GPHN: variants seen among roughly 807,000 people sequenced by gnomAD.
GPHN encodes gephyrin.
GPHN carries 17 observed loss-of-function variants against 95.5 expected under a neutral mutation model. The observed-to-expected ratio is 0.18, with a 90% CI of 0.12 to 0.27. GPHN has a LOEUF of 0.27. Among genes scored for constraint, GPHN ranks in the 10% least tolerant of loss-of-function variants. The pLI is 1.00. For synonymous variants in GPHN, 320 were observed against 322.5 expected, an observed-to-expected ratio of 0.99 and a Z score of 0.08; for missense variants, 660 against 978.1, an observed-to-expected ratio of 0.67 and a Z score of 4.34.
At chr14:67,291,016 C>A in the GPHN span, among the ~76,000 whole-genome samples, 1 of 151,984 alleles carries the variant, frequency 6.6e-6, no homozygotes, top group Non-Finnish European at 1.5e-5. Context: ...TAATGACCTA[C>A]AAGAAGAAGT....
the GPHN span, chr14:67,384,491 GTTGCT>G: frequency 1.3e-5 from 2 of 151,818 alleles, no homozygotes. Flanking sequence ...AAAATCTTGA[GTTGCT>G]TTGGTCTGCT....
chr14:67,524,728 T>A, the GPHN span, among the ~76,000 whole-genome samples: 1 of 152,314 alleles, frequency 6.6e-6, no homozygotes, highest in South Asian at 2.1e-4. Flanking sequence ...CACAAGAACA[T>A]ACTGTATAAT....
chr14:67,022,451 C>A (rs1256355050), intron 9 of GPHN, among the ~76,000 whole-genome samples: 2 of 150,086 alleles, frequency 1.3e-5, no homozygotes, highest in Non-Finnish European at 3.0e-5. Context: ...AGAATATTAT[C>A]TTCAGACTAG....
At chr14:67,351,222 G>T in the GPHN span, among the ~76,000 whole-genome samples, 1 of 152,060 alleles carries the variant, frequency 6.6e-6, no homozygotes. Flanking sequence ...TAGACTAGAG[G>T]ATTCAGAAAC....
chr14:66,713,953 G>C (rs1413785318), intron 2 of GPHN, among the ~76,000 whole-genome samples: 1 of 152,042 alleles, frequency 6.6e-6, no homozygotes, highest in East Asian at 1.9e-4. Flanking sequence ...ATTTTTAGTA[G>C]AGACAGGGTT....
the GPHN span, chr14:67,383,419 G>A: frequency 1.5e-5 from 25 of 1,613,320 alleles, no homozygotes; most frequent in Non-Finnish European, 8.5e-7. Context: ...CAGAAGAAAT[G>A]GAAGCCAAAG....
At chr14:66,560,867 C>T (rs967709522) in intron 1 of GPHN, among the ~76,000 whole-genome samples, 3 of 152,072 alleles carry the variant, frequency 2.0e-5, no homozygotes, top group Non-Finnish European at 2.9e-5. Context: ...GGTATGATAT[C>T]AGCTGTGGGT....
chr14:67,675,256 C>T, the GPHN span, among the ~76,000 whole-genome samples: 1 of 152,116 alleles, frequency 6.6e-6, no homozygotes, highest in African/African-American at 2.4e-5. Context: ...GCCTGTAATC[C>T]CAGTACTTTG....
At chr14:66,989,672 A>C (rs1190287343) in intron 9 of GPHN, among the ~76,000 whole-genome samples, 2 of 143,412 alleles carry the variant, frequency 1.4e-5, no homozygotes, top group African/African-American at 5.5e-5. Flanking sequence ...AAAAAAAAAA[A>C]ACCTATCCAA....
At chr14:67,541,810 C>T in the GPHN span, 1 of 1,467,318 alleles carries the variant, frequency 6.8e-7, no homozygotes, top group Non-Finnish European at 9.1e-7. Context: ...TTATCTTTTC[C>T]TCTTTCTGCA....
chr14:66,599,276 A>G (rs1486181892), intron 1 of GPHN, among the ~76,000 whole-genome samples: 1 of 151,846 alleles, frequency 6.6e-6, no homozygotes, highest in Non-Finnish European at 1.5e-5. Flanking sequence ...CCTCATTCCA[A>G]TTTAAGATAA....
chr14:67,144,436 C>A (rs182497577), intron 18 of GPHN, among the ~76,000 whole-genome samples: 2,506 of 150,776 alleles, frequency 0.017, 32 homozygotes, highest in Non-Finnish European at 0.025. Flanking sequence ...ACTATTGGGT[C>A]TACTGAATAA....
At chr14:66,860,867 A>T (rs971788365) in intron 4 of GPHN, among the ~76,000 whole-genome samples, 9 of 152,094 alleles carry the variant, frequency 5.9e-5, no homozygotes, top group Admixed American at 5.9e-4. Context: ...CTTCCAATCA[A>T]AAAAACCTAC....
intron 9 of GPHN, among the ~76,000 whole-genome samples, chr14:67,001,828 T>A (rs1250299476): frequency 6.6e-6 from 1 of 151,768 alleles, no homozygotes; most frequent in East Asian, 1.9e-4. Context: ...TCCATGGATT[T>A]ACACAGATTT....
At chr14:66,758,450 C>T (rs892019397) in intron 2 of GPHN, among the ~76,000 whole-genome samples, 1 of 152,144 alleles carries the variant, frequency 6.6e-6, no homozygotes, top group Non-Finnish European at 1.5e-5. Context: ...GTCAAATCTC[C>T]CTCAGAGGCT....
At chr14:66,664,450 A>G (rs1194660412) in intron 1 of GPHN, among the ~76,000 whole-genome samples, 2 of 152,202 alleles carry the variant, frequency 1.3e-5, no homozygotes, top group African/African-American at 4.8e-5. Flanking sequence ...CAAAGATACA[A>G]TGTACCAGAT....
chr14:67,574,175 G>A, the GPHN span: 32 of 1,428,588 alleles, frequency 2.2e-5, no homozygotes, highest in South Asian at 2.9e-5. The surrounding 1 kb of genome is among the most constrained non-coding windows in gnomAD (Gnocchi z 4.2). Flanking sequence ...GTGCCACCTC[G>A]GAGCCAGGTC....
chr14:67,353,937 A>ACCCTGCACCTG, the GPHN span: 1 of 151,104 alleles, frequency 6.6e-6, no homozygotes, highest in Admixed American at 6.6e-5. Context: ...TATGGGCATG[A>ACCCTGCACCTG]ACCACTGCAC....
chr14:67,730,019 ATAGTCT>A, the GPHN span, among the ~76,000 whole-genome samples: 1 of 152,222 alleles, frequency 6.6e-6, no homozygotes, highest in Non-Finnish European at 1.5e-5. Context: ...AGCACTGGAA[ATAGTCT>A]TAGTGTCTGA....
Sources: allele counts gnomAD v4.1 joint callset (sites outside exome capture counted in the v4.1 genomes callset), GRCh38; gene constraint gnomAD v4.1.1; non-coding constraint Gnocchi (gnomAD v3.1); transcripts MANE v1.5; gene names NCBI Gene and HGNC (gene_info 2026-07-23, HGNC 2026-07-21).